UBR1: variants seen among roughly 807,000 people sequenced by gnomAD.
The protein encoded by UBR1 is ubiquitin protein ligase E3 component n-recognin 1, also known as E3 ubiquitin-protein ligase UBR1.
Under a neutral mutation model 242.1 loss-of-function variants are expected in UBR1, and 102 were observed. The ratio of observed to expected loss-of-function variants is 0.42; its 90% CI spans 0.36 to 0.50. The LOEUF (loss-of-function observed/expected upper bound fraction) is 0.50, where lower values mean the gene tolerates loss of function less well. UBR1 is among the 20% of genes least tolerant of loss of function. The pLI is 0.01. For missense variants in UBR1, 1,772 were observed against 2,101.8 expected (o/e 0.84, Z 3.07); for synonymous variants, 675 against 684.8 (o/e 0.99, Z 0.22).
intron 15 of UBR1, 120 bp from the exon 16 acceptor site, chr15:43,038,352 T>C (rs750194977): frequency 7.7e-6 from 7 of 909,876 alleles, no homozygotes; most frequent in East Asian, 5.3e-5. Context: ...CTCATGCCTG[T>C]AATCTCAGCA....
chr15:43,089,480 G>C (rs1336220916), intron 1 of UBR1, among the ~76,000 whole-genome samples: 1 of 152,176 alleles, frequency 6.6e-6, no homozygotes, highest in African/African-American at 2.4e-5. Flanking sequence ...GGGCGACAGA[G>C]CGAGAGTCCA....
chr15:43,055,345 G>A (rs182291218), intron 11 of UBR1, among the ~76,000 whole-genome samples: 41 of 152,224 alleles, frequency 2.7e-4, no homozygotes, highest in Non-Finnish European at 5.1e-4. Context: ...TCAGGAGGCT[G>A]AGGCAGGAGA....
chr15:42,975,941 C>G (rs1371607320), intron 39 of UBR1, among the ~76,000 whole-genome samples: 1 of 152,126 alleles, frequency 6.6e-6, no homozygotes, highest in Non-Finnish European at 1.5e-5. Flanking sequence ...TGTTCTTGAA[C>G]TTCTGAGCTT....
chr15:43,019,307 G>A lies in UBR1; in HGVS notation c.2940+1968C>T, dbSNP rs368547590. 2.1e-4 allele frequency among the ~76,000 whole-genome samples: 32 copies of A among 151,992 alleles called. No homozygotes were observed. The East Asian group carries it at 3.5e-3, about 17-fold the overall frequency. The stretch of plus-strand genomic sequence containing the variant: ...CTCGATCTCCTGACCTCGTGACCCC[G>A]CCGCCTCAGTCTCCCAAAGTGCTGG... On this transcript the variant is annotated intron_variant, in intron 27 of 46. Coordinates refer to ENST00000290650, the MANE Select transcript of UBR1 (RefSeq NM_174916.3).
chr15:43,098,860 G>A (rs1350403076), intron 1 of UBR1, among the ~76,000 whole-genome samples: 3 of 152,168 alleles, frequency 2.0e-5, no homozygotes, highest in African/African-American at 4.8e-5. Context: ...AAGTACTTCA[G>A]TTAGACTCAA....
At chr15:43,097,520 G>A (rs771468286) in intron 1 of UBR1, among the ~76,000 whole-genome samples, 11 of 152,208 alleles carry the variant, frequency 7.2e-5, no homozygotes, top group Admixed American at 1.3e-4. Context: ...TCCAACAGAA[G>A]GCTGTTTCGT....
At chr15:43,007,958 C>A (rs2032859156) in intron 29 of UBR1, among the ~76,000 whole-genome samples, 1 of 152,216 alleles carries the variant, frequency 6.6e-6, no homozygotes, top group South Asian at 2.1e-4. Flanking sequence ...TTCTTAGAAT[C>A]TACTCTTACT....
intron 45 of UBR1, among the ~76,000 whole-genome samples, chr15:42,950,863 C>T (rs1054599562): frequency 1.3e-5 from 2 of 152,172 alleles, no homozygotes; most frequent in African/African-American, 4.8e-5. Flanking sequence ...ACCCTGAAGG[C>T]ACCTGGGACT....
At chr15:42,983,659 C>T (rs1162475338) in intron 37 of UBR1, among the ~76,000 whole-genome samples, 8 of 97,498 alleles carry the variant, frequency 8.2e-5, no homozygotes, top group African/African-American at 2.6e-4. Flanking sequence ...CAGCGAAACT[C>T]CCACTCAATA....
At chr15:42,945,618 ACCATTGATC>A in intron 46 of UBR1, 148 bp from the exon 47 acceptor site, 1 of 27,174 alleles carries the variant, frequency 3.7e-5, no homozygotes. Flanking sequence ...TTTTCCCTTC[ACCATTGATC>A]ACTAAGAACT....
chr15:43,010,665 A>G (rs770266627), intron 29 of UBR1, among the ~76,000 whole-genome samples: 18 of 151,932 alleles, frequency 1.2e-4, no homozygotes, highest in Non-Finnish European at 2.4e-4. Flanking sequence ...TTCAGTTTTC[A>G]AGAGGAAATA....
intron 1 of UBR1, among the ~76,000 whole-genome samples, chr15:43,094,256 C>T (rs962943735): frequency 6.6e-6 from 1 of 151,984 alleles, no homozygotes; most frequent in African/African-American, 2.4e-5. Context: ...ATGATGAAAC[C>T]TCATCTCTAC....
intron 30 of UBR1, among the ~76,000 whole-genome samples, chr15:43,005,140 G>A (rs62020705): frequency 0.55 from 82,964 of 150,540 alleles, 26,853 homozygotes; most frequent in Non-Finnish European, 0.7. Context: ...CCCTCCGCCC[G>A]GCAGCCACCC....
At chr15:43,030,944 T>C (rs2033249378) in intron 20 of UBR1, among the ~76,000 whole-genome samples, 1 of 152,232 alleles carries the variant, frequency 6.6e-6, no homozygotes, top group Non-Finnish European at 1.5e-5. Flanking sequence ...CATTTTGTAA[T>C]TTCCATAACT....
chr15:43,034,209 C>G (rs1475755356), intron 19 of UBR1, among the ~76,000 whole-genome samples: 1 of 151,400 alleles, frequency 6.6e-6, no homozygotes, highest in Non-Finnish European at 1.5e-5. Context: ...GCACTCCAGC[C>G]TGGGTGACAG....
intron 17 of UBR1, 145 bp downstream of exon 17, chr15:43,037,628 C>A: frequency 2.8e-6 from 2 of 706,322 alleles, no homozygotes; most frequent in South Asian, 3.3e-5. Flanking sequence ...CTATATAGTT[C>A]CTAGAACTTT....
intron 15 of UBR1, 108 bp downstream of exon 15, chr15:43,043,107 C>A: frequency 8.1e-7 from 1 of 1,231,134 alleles, no homozygotes; most frequent in East Asian, 2.4e-5. Context: ...CTGACCTGAG[C>A]ATGTCTGTAC....
chr15:42,974,782 T>G (rs2032262712), intron 39 of UBR1, among the ~76,000 whole-genome samples: 1 of 151,582 alleles, frequency 6.6e-6, no homozygotes, highest in Non-Finnish European at 1.5e-5. Flanking sequence ...CAAATTTTCC[T>G]ATTTTTTTTT....
chr15:43,067,728 A>C lies in UBR1; in HGVS notation c.798+170T>G, dbSNP rs113328561. On this transcript the variant is annotated intron_variant, in intron 6 of 46. Transcript: ENST00000290650. The stretch of plus-strand genomic sequence containing the variant: ...ATGAAAGTTATAAATAGTTATTTAA[A>C]ATTATGATATACACACAAAACTGAA... Among the ~76,000 whole-genome samples the C allele has an allele frequency of 3.3e-5, 5 of 152,336 alleles. 1 individual carries two copies. Among genetic ancestry groups the C allele is most frequent in the African/African-American group, 1.2e-4 (5 of 41,576 alleles).
Sources: allele counts gnomAD v4.1 joint callset (sites outside exome capture counted in the v4.1 genomes callset), GRCh38; gene constraint gnomAD v4.1.1; transcripts MANE v1.5; gene names NCBI Gene and HGNC (gene_info 2026-07-23, HGNC 2026-07-21).